Variants in VPS13B observed in about 807,000 individuals in gnomAD.
VPS13B encodes the protein intermembrane lipid transfer protein VPS13B.
A neutral mutation model predicts 426.4 loss-of-function variants in VPS13B; 285 were observed. That is an observed-to-expected ratio of 0.67 (90% CI 0.61 to 0.74). VPS13B has a LOEUF of 0.74. Among genes scored for constraint, VPS13B ranks in the 30% least tolerant of loss-of-function variants. VPS13B has a pLI of 0.00. For synonymous variants in VPS13B, 1,676 were observed against 1,676.4 expected, an observed-to-expected ratio of 1.00 and a Z score of 0.01; for missense variants, 4,537 against 4,782.6, an observed-to-expected ratio of 0.95 and a Z score of 1.51.
intron 59 of VPS13B, among the ~76,000 whole-genome samples, chr8:99,868,912 C>T (rs1817247274): frequency 6.6e-6 from 1 of 152,198 alleles, no homozygotes; most frequent in Non-Finnish European, 1.5e-5. Context: ...CAGAGGACAT[C>T]CTGCCCCTCG....
At chr8:99,749,112 C>T (rs540134413) in intron 39 of VPS13B, among the ~76,000 whole-genome samples, 85 of 151,862 alleles carry the variant, frequency 5.6e-4, no homozygotes, top group African/African-American at 1.9e-3. Context: ...TTTTTGGGTA[C>T]ATAGTAGATG....
chr8:99,449,452 C>G (rs1175087620), intron 23 of VPS13B, among the ~76,000 whole-genome samples: 1 of 151,826 alleles, frequency 6.6e-6, no homozygotes, highest in Non-Finnish European at 1.5e-5. Flanking sequence ...AAAGAGGGAT[C>G]ATAGAGACAC....
intron 3 of VPS13B, among the ~76,000 whole-genome samples, chr8:99,048,127 T>A (rs1459433184): frequency 7.2e-5 from 11 of 152,180 alleles, no homozygotes; most frequent in Admixed American, 5.2e-4. Context: ...TCAGAAACAG[T>A]TTACTTAATT....
chr8:99,566,956 T>C (rs7829651), intron 31 of VPS13B, among the ~76,000 whole-genome samples: 26,753 of 152,100 alleles, frequency 0.18, 2,871 homozygotes, highest in East Asian at 0.39. Flanking sequence ...TTCACTGTGT[T>C]GTGATCATAG....
intron 2 of VPS13B, among the ~76,000 whole-genome samples, chr8:99,023,134 A>G (rs1841979439): frequency 6.6e-6 from 1 of 151,066 alleles, no homozygotes; most frequent in Non-Finnish European, 1.5e-5. Flanking sequence ...GACCACATAC[A>G]TATGCCACCA....
chr8:99,241,297 G>A (rs1436950259), intron 17 of VPS13B: 1 of 152,094 alleles, frequency 6.6e-6, no homozygotes. Flanking sequence ...GATAGAGATG[G>A]TATTTCTTAA....
In VPS13B at chr8:99,474,240, G is replaced by GT. The variant is rs539195578; in HGVS notation, c.3666+6607dup. Among the ~76,000 whole-genome samples, 42 of 144,026 alleles carry GT rather than the reference G, an allele frequency of 2.9e-4. No individual in the cohort carries two copies. In the South Asian group the frequency reaches 8.6e-3, roughly 30 times the overall value. The allele number at this position is 144,026 out of a possible 152,430, so 94.5% of individuals were successfully genotyped here. On this transcript the variant is annotated intron_variant, in intron 24 of 61. Coordinates refer to ENST00000357162, the MANE Select transcript of VPS13B (RefSeq NM_152564.5). ...GTCTCCCTCTGTTGCCCAGGGTGGA[G>GT]TGCAGTGATGTGATCTCGGCTCACT...
chr8:99,485,861 C>G (rs938520194), intron 25 of VPS13B, among the ~76,000 whole-genome samples: 1 of 152,072 alleles, frequency 6.6e-6, no homozygotes, highest in Non-Finnish European at 1.5e-5. Context: ...TCATATTGTT[C>G]ATTCTTTTAT....
chr8:99,648,414 C>G (rs921826785), intron 34 of VPS13B, among the ~76,000 whole-genome samples: 3 of 152,186 alleles, frequency 2.0e-5, no homozygotes, highest in African/African-American at 7.2e-5. Flanking sequence ...TTAAGAAAAA[C>G]TGTTTAGATA....
intron 17 of VPS13B, among the ~76,000 whole-genome samples, chr8:99,260,243 C>A (rs1817972314): frequency 6.6e-6 from 1 of 151,996 alleles, no homozygotes; most frequent in Non-Finnish European, 1.5e-5. Flanking sequence ...TGAAAAGATT[C>A]TTTATTTCTA....
intron 39 of VPS13B, among the ~76,000 whole-genome samples, chr8:99,739,725 C>T (rs1444129565): frequency 6.6e-6 from 1 of 152,210 alleles, no homozygotes; most frequent in Non-Finnish European, 1.5e-5. Context: ...CTGGAGTGGA[C>T]CTCCAGCAAA....
intron 17 of VPS13B, among the ~76,000 whole-genome samples, chr8:99,251,725 T>C (rs572559785): frequency 6.6e-6 from 1 of 152,260 alleles, no homozygotes; most frequent in African/African-American, 2.4e-5. Context: ...TTCTGTGTCC[T>C]GAAAGATATT....
intron 17 of VPS13B, among the ~76,000 whole-genome samples, chr8:99,213,703 C>A (rs1199548449): frequency 6.6e-6 from 1 of 152,158 alleles, no homozygotes; most frequent in Non-Finnish European, 1.5e-5. Context: ...GATTCAGGAG[C>A]ATGTCCTCAA....
In VPS13B at chr8:99,511,094, T is replaced by C. The variant is rs758652475; in HGVS notation, c.4225-10T>C. Reference sequence around the variant, plus strand: ...GAACTGTGTATTGTGATTTCCTTTTTTTGGAACAGACAACTACAAAACTTC... The same window carrying C: ...GAACTGTGTATTGTGATTTCCTTTTCTTGGAACAGACAACTACAAAACTTC... On this transcript the variant is annotated splice_polypyrimidine_tract_variant and intron_variant, in intron 28 of 61. Transcript: ENST00000357162. 3.1e-6 allele frequency: 5 copies of C among 1,611,574 alleles called. No homozygotes were observed. In the Admixed American group the frequency reaches 5.0e-5, roughly 16 times the overall value.
At chr8:99,521,429 A>G (rs1287024460) in intron 30 of VPS13B, among the ~76,000 whole-genome samples, 1 of 152,226 alleles carries the variant, frequency 6.6e-6, no homozygotes, top group Non-Finnish European at 1.5e-5. Context: ...TGGATGTCAT[A>G]TGGATCAAAG....
At position 99,315,590 on chromosome 8, in the gene VPS13B, G is replaced by A. The variant is rs1202183969; in HGVS notation, c.2824+40336G>A. Among the ~76,000 whole-genome samples, 11 of 149,786 alleles carry A rather than the reference G, an allele frequency of 7.3e-5. No homozygotes were observed. The East Asian group carries it at 7.9e-4, about 11-fold the overall frequency. ...TGTGTGTTCTCTTATATCTCAATGA[G>A]CTTCTTTATAATCAATATTCTGAAT... On this transcript the variant is annotated intron_variant, in intron 19 of 61. Transcript: ENST00000357162.
At chr8:99,649,862 A>T (rs1200492142) in intron 34 of VPS13B, among the ~76,000 whole-genome samples, 1 of 152,218 alleles carries the variant, frequency 6.6e-6, no homozygotes, top group Non-Finnish European at 1.5e-5. Flanking sequence ...TTAAACTTAT[A>T]AAAGAAGACA....
intron 19 of VPS13B, 24 bp downstream of exon 19, chr8:99,275,278 C>A (rs202110270): frequency 1.2e-5 from 18 of 1,513,630 alleles, no homozygotes; most frequent in East Asian, 2.4e-5. Flanking sequence ...TATCATTATT[C>A]CCTTGTTTTG....
intron 31 of VPS13B, among the ~76,000 whole-genome samples, chr8:99,568,027 AG>A (rs1331779864): frequency 2.0e-5 from 3 of 152,084 alleles, no homozygotes; most frequent in Non-Finnish European, 4.4e-5. Context: ...ATACACCTGG[AG>A]TGTTTCTGCT....
Sources: gnomAD v4.1 joint callset for allele counts (sites outside exome capture counted in the v4.1 genomes callset) on GRCh38, gnomAD v4.1.1 for gene constraint, MANE v1.5 for transcripts, NCBI Gene and HGNC (gene_info 2026-07-23, HGNC 2026-07-21) for gene names.